LARP1B: variants seen among roughly 807,000 people sequenced by gnomAD.
LARP1B encodes La ribonucleoprotein 1B, also known as la-related protein 1B.
A neutral mutation model predicts 114.2 loss-of-function variants in LARP1B; 76 were observed. The observed-to-expected ratio is 0.67, with a 90% confidence interval of 0.55 to 0.81. LARP1B has a LOEUF of 0.81. LARP1B is among the 30% of genes least tolerant of loss of function. The pLI is 0.00. For synonymous variants in LARP1B, 345 were observed against 348.0 expected (o/e 0.99, Z 0.10); for missense variants, 1,014 against 1,075.8 (o/e 0.94, Z 0.80).
At chr4:128,198,944 T>C (rs777073637) in intron 15 of LARP1B, among the ~76,000 whole-genome samples, 13 of 152,184 alleles carry the variant, frequency 8.5e-5, no homozygotes, top group Non-Finnish European at 1.5e-4. Flanking sequence ...GGAATTGATT[T>C]AGAGAATTGC....
intron 15 of LARP1B, among the ~76,000 whole-genome samples, chr4:128,181,345 T>G (rs913760574): frequency 3.3e-5 from 5 of 151,660 alleles, no homozygotes; most frequent in African/African-American, 1.2e-4. Flanking sequence ...ACCCAGCTAA[T>G]TTTTGTATTT....
intron 1 of LARP1B, among the ~76,000 whole-genome samples, chr4:128,072,369 T>TA (rs544440296): frequency 2.6e-5 from 4 of 152,168 alleles, no homozygotes; most frequent in Non-Finnish European, 5.9e-5. Context: ...GTGTCTGTCT[T>TA]ACTAATGATG....
chr4:128,074,174 A>G (rs1274082311), intron 1 of LARP1B, among the ~76,000 whole-genome samples: 1 of 150,780 alleles, frequency 6.6e-6, no homozygotes, highest in Non-Finnish European at 1.5e-5. Context: ...TCCTGACCTC[A>G]GGTGATCCAC....
intron 8 of LARP1B, among the ~76,000 whole-genome samples, chr4:128,105,132 A>G (rs1345738359): frequency 2.0e-5 from 3 of 151,874 alleles, no homozygotes; most frequent in Non-Finnish European, 4.4e-5. Flanking sequence ...GCGATCTTAG[A>G]TGTTCACTGT....
chr4:128,191,485 G>T (rs886421402), intron 15 of LARP1B, among the ~76,000 whole-genome samples: 2 of 152,104 alleles, frequency 1.3e-5, no homozygotes, highest in Non-Finnish European at 2.9e-5. Flanking sequence ...GCACTAGATG[G>T]CGCCTTAAGC....
intron 2 of LARP1B, 53 bp from the exon 3 acceptor site, chr4:128,074,881 C>A: frequency 1.6e-6 from 2 of 1,249,506 alleles, no homozygotes; most frequent in African/African-American, 1.5e-5. Flanking sequence ...TTTTTTCCTG[C>A]TTAAAATTTC....
intron 9 of LARP1B, among the ~76,000 whole-genome samples, chr4:128,110,961 A>G (rs998170089): frequency 5.3e-5 from 8 of 151,996 alleles, no homozygotes; most frequent in Non-Finnish European, 1.0e-4. Flanking sequence ...CCTGTAGCCC[A>G]GCTACTTGGG....
Position 128,098,747 on chromosome 4 carries a change from G to GTGTGTATATATATATATATA in LARP1B, c.813+418_813+419insGTGTATATATATATATATAT. On this transcript the variant is annotated intron_variant, in intron 8 of 19. Transcript: ENST00000326639. ...AGCATGTGTTCCTGTATATGTATGT[G>GTGTGTATATATATATATATA]TATATATATATATATATATATTTTT... Among the ~76,000 whole-genome samples, 114 of 15,576 alleles carry GTGTGTATATATATATATATA rather than the reference G, an allele frequency of 7.3e-3. 24 individuals are homozygous for GTGTGTATATATATATATATA. Among genetic ancestry groups the GTGTGTATATATATATATATA allele is most frequent in the South Asian group, 0.03 (6 of 202 alleles). The allele number at this position is 15,576 out of a possible 152,430, so 10.2% of individuals were successfully genotyped here.
Position 128,073,572 on chromosome 4 carries a change from G to GTT in LARP1B, c.-77-852_-77-851dup, listed in dbSNP as rs568197117. ...AATTTTCTCCTGTTATATTGTTGTC[G>GTT]TTTTTTTTTTTTTTTTTTTTTTTTT... On this transcript the variant is annotated intron_variant, in intron 1 of 19. Coordinates refer to ENST00000326639, the MANE Select transcript of LARP1B (RefSeq NM_018078.4). Among the ~76,000 whole-genome samples, 22 of 40,002 alleles carry GTT rather than the reference G, an allele frequency of 5.5e-4. 9 individuals carry two copies. The highest frequency in any genetic ancestry group is 8.0e-4 in the Non-Finnish European group (16 of 19,980). The allele number at this position is 40,002 out of a possible 152,430, so 26.2% of individuals were successfully genotyped here.
At chr4:128,177,004 C>A in intron 13 of LARP1B, 97 bp downstream of exon 13, 1 of 1,078,262 alleles carries the variant, frequency 9.3e-7, no homozygotes. Context: ...GAAGAAAAAG[C>A]ATATGAAAAG....
intron 1 of LARP1B, among the ~76,000 whole-genome samples, chr4:128,065,657 C>G (rs1762521393): frequency 6.6e-6 from 1 of 151,908 alleles, no homozygotes; most frequent in Admixed American, 6.6e-5. Flanking sequence ...TACTAACTGG[C>G]TAGTTGACTT....
Position 128,211,875 on chromosome 4 carries a change from A to C in LARP1B, c.*1822A>C, listed in dbSNP as rs1759039960. The C allele has an allele frequency of 6.4e-6, 3 of 467,512 alleles. No homozygotes were observed. The highest frequency in any genetic ancestry group is 8.4e-6 in the Non-Finnish European group (3 of 356,902). The allele number at this position is 467,512 out of a possible 1,614,324, so 29.0% of individuals were successfully genotyped here. On this transcript the variant is annotated 3_prime_UTR_variant, in exon 20 of 20. Coordinates refer to ENST00000326639, the MANE Select transcript of LARP1B (RefSeq NM_018078.4). ...AATCAGGAGTTTTGTGGTTTGTATT[A>C]ATTAGTAGTTTTATCATATTTTTAT...
At chr4:128,107,813 A>G in intron 9 of LARP1B, 1 of 1,531,774 alleles carries the variant, frequency 6.5e-7, no homozygotes, top group Non-Finnish European at 8.7e-7. Context: ...TTTAATGTTA[A>G]TAATTTTTTC....
chr4:128,148,408 C>T (rs994174095), intron 11 of LARP1B, among the ~76,000 whole-genome samples: 1 of 151,622 alleles, frequency 6.6e-6, no homozygotes, highest in Admixed American at 6.6e-5. Flanking sequence ...TCCAGTCCAG[C>T]CTGGGCAACA....
At chr4:128,194,882 T>C (rs1054931048) in intron 15 of LARP1B, among the ~76,000 whole-genome samples, 12 of 151,648 alleles carry the variant, frequency 7.9e-5, no homozygotes, top group Non-Finnish European at 1.6e-4. Context: ...AAAAAAAGTT[T>C]TCTTTTTTTC....
intron 5 of LARP1B, among the ~76,000 whole-genome samples, chr4:128,086,528 C>T (rs1773632364): frequency 6.6e-6 from 1 of 151,898 alleles, no homozygotes; most frequent in Non-Finnish European, 1.5e-5. Context: ...GGGGTTTCCC[C>T]ATGTTGCCCA....
intron 10 of LARP1B, among the ~76,000 whole-genome samples, chr4:128,118,496 A>G (rs1473884496): frequency 2.6e-5 from 4 of 151,568 alleles, no homozygotes. Flanking sequence ...TCAGCCTCCC[A>G]AAGTGCTGGG....
intron 10 of LARP1B, among the ~76,000 whole-genome samples, chr4:128,121,115 G>T (rs1350847206): frequency 6.6e-6 from 1 of 152,158 alleles, no homozygotes; most frequent in Non-Finnish European, 1.5e-5. Flanking sequence ...GGCCTGAGGG[G>T]TAGACATTTT....
chr4:128,081,767 A>G (rs1770563562), intron 4 of LARP1B, among the ~76,000 whole-genome samples: 1 of 152,068 alleles, frequency 6.6e-6, no homozygotes. Context: ...TTGGACAACC[A>G]GCTATCACCC....
Sources: gnomAD v4.1 joint callset for allele counts (sites outside exome capture counted in the v4.1 genomes callset) on GRCh38, gnomAD v4.1.1 for gene constraint, MANE v1.5 for transcripts, NCBI Gene and HGNC (gene_info 2026-07-23, HGNC 2026-07-21) for gene names.